The following SUGCT variants were observed in gnomAD, a reference collection of about 807,000 sequenced individuals.
SUGCT encodes succinyl-CoA:glutarate CoA-transferase.
In SUGCT, 41 loss-of-function variants were observed where a neutral mutation model predicts 55.0. The ratio of observed to expected loss-of-function variants is 0.74; its 90% confidence interval spans 0.58 to 0.97. The LOEUF (loss-of-function observed/expected upper bound fraction) is 0.97. Ranked by LOEUF, SUGCT falls within the 50% of genes least tolerant of loss-of-function variation. The probability of loss-of-function intolerance (pLI) is 0.00; values close to 1 mark genes in which losing one functional copy is unlikely to be tolerated. For missense variants in SUGCT, 568 were observed against 547.8 expected, an observed-to-expected ratio of 1.04 and a Z score of -0.37; for synonymous variants, 187 against 200.4, an observed-to-expected ratio of 0.93 and a Z score of 0.56.
the SUGCT span, among the ~76,000 whole-genome samples, chr7:40,912,343 C>G: frequency 6.6e-6 from 1 of 151,998 alleles, no homozygotes; most frequent in African/African-American, 2.4e-5. Flanking sequence ...TTGTATCTTG[C>G]TTGTATGACA....
chr7:40,444,249 A>G (rs1006982661), intron 9 of SUGCT, among the ~76,000 whole-genome samples: 4 of 152,114 alleles, frequency 2.6e-5, no homozygotes, highest in African/African-American at 9.7e-5. Context: ...GTTTTTTCCA[A>G]TTCTGTGAAG....
At chr7:40,558,973 A>C (rs1795699862) in intron 12 of SUGCT, among the ~76,000 whole-genome samples, 1 of 152,242 alleles carries the variant, frequency 6.6e-6, no homozygotes, top group South Asian at 2.1e-4. Context: ...AGTTAAGAAC[A>C]GAGAAAAAAA....
chr7:40,422,350 A>T (rs552618616), intron 9 of SUGCT, among the ~76,000 whole-genome samples: 2 of 152,140 alleles, frequency 1.3e-5, no homozygotes, highest in Non-Finnish European at 2.9e-5. Context: ...AAGTTACCAT[A>T]TATATTATTT....
At chr7:40,638,909 C>A (rs769322516) in intron 12 of SUGCT, among the ~76,000 whole-genome samples, 67 of 152,208 alleles carry the variant, frequency 4.4e-4, no homozygotes, top group South Asian at 2.7e-3. Flanking sequence ...ATTTAAGAAC[C>A]CATCCAGTAC....
At chr7:40,222,986 TTTCCTTCCTTCC>T (rs200277908) in intron 6 of SUGCT, among the ~76,000 whole-genome samples, 3,888 of 93,924 alleles carry the variant, frequency 0.041, 66 homozygotes, top group South Asian at 0.076. Flanking sequence ...TTTTCATTTC[TTTCCTTCCTTCC>T]TTCCTTCCTT....
At chr7:40,884,871 C>T in the SUGCT span, among the ~76,000 whole-genome samples, 1 of 152,044 alleles carries the variant, frequency 6.6e-6, no homozygotes, top group Non-Finnish European at 1.5e-5. Context: ...CTTCTCTGCC[C>T]CAAAGGGAAT....
chr7:40,689,943 A>G (rs1232440341), intron 12 of SUGCT, among the ~76,000 whole-genome samples: 1 of 152,228 alleles, frequency 6.6e-6, no homozygotes, highest in Non-Finnish European at 1.5e-5. Context: ...TAATAGGATC[A>G]GTTCCCTATG....
At chr7:41,002,321 G>A in the SUGCT span, among the ~76,000 whole-genome samples, 23 of 152,120 alleles carry the variant, frequency 1.5e-4, no homozygotes, top group Non-Finnish European at 3.2e-4. Context: ...GTGCCCGGTG[G>A]AGAATGCGAA....
At chr7:40,198,416 C>T (rs538852721) in intron 6 of SUGCT, among the ~76,000 whole-genome samples, 67 of 152,236 alleles carry the variant, frequency 4.4e-4, no homozygotes, top group African/African-American at 1.3e-3. Flanking sequence ...CATTTTCTTT[C>T]GCTTGTTAAT....
chr7:40,267,038 A>AAAC (rs201267701), intron 7 of SUGCT, among the ~76,000 whole-genome samples: 5,820 of 96,978 alleles, frequency 0.06, 138 homozygotes, highest in African/African-American at 0.11. Context: ...ACAAACAAAC[A>AAAC]AAAAAAAAAA....
intron 13 of SUGCT, among the ~76,000 whole-genome samples, chr7:40,806,923 C>G (rs1404656587): frequency 6.6e-6 from 1 of 152,260 alleles, no homozygotes; most frequent in African/African-American, 2.4e-5. Flanking sequence ...ACTTGGCAGT[C>G]TCTGGCTTCA....
At chr7:40,463,707 T>C (rs1210349377) in intron 11 of SUGCT, among the ~76,000 whole-genome samples, 1 of 152,176 alleles carries the variant, frequency 6.6e-6, no homozygotes, top group Admixed American at 6.5e-5. Context: ...TCAAATGCTC[T>C]CAAGTGTTAC....
At chr7:40,896,378 T>C in the SUGCT span, among the ~76,000 whole-genome samples, 1 of 152,176 alleles carries the variant, frequency 6.6e-6, no homozygotes, top group Non-Finnish European at 1.5e-5. Context: ...AGAATTAATA[T>C]TGGTAAAATA....
intron 6 of SUGCT, among the ~76,000 whole-genome samples, chr7:40,208,679 G>A (rs1787148735): frequency 6.6e-6 from 1 of 151,892 alleles, no homozygotes; most frequent in Non-Finnish European, 1.5e-5. Flanking sequence ...TGAGTAGCTG[G>A]GACTACAGGT....
chr7:40,187,994 G>C (rs954203268), intron 3 of SUGCT, among the ~76,000 whole-genome samples: 7 of 151,986 alleles, frequency 4.6e-5, no homozygotes, highest in Non-Finnish European at 1.0e-4. Flanking sequence ...GTGAAACCCT[G>C]TCTCTACTAA....
chr7:41,012,366 C>T, the SUGCT span, among the ~76,000 whole-genome samples: 1 of 152,180 alleles, frequency 6.6e-6, no homozygotes, highest in Non-Finnish European at 1.5e-5. Context: ...GGTTCAGTGT[C>T]TGGTGGGTCT....
At chr7:40,991,441 C>G in the SUGCT span, among the ~76,000 whole-genome samples, 1 of 152,096 alleles carries the variant, frequency 6.6e-6, no homozygotes, top group African/African-American at 2.4e-5. Flanking sequence ...AAATGTGACA[C>G]AGAGACACGA....
At chr7:40,234,096 G>A (rs924168587) in intron 6 of SUGCT, among the ~76,000 whole-genome samples, 3 of 152,142 alleles carry the variant, frequency 2.0e-5, no homozygotes, top group African/African-American at 7.2e-5. Context: ...TTTCCTGCAG[G>A]CCTTTATTTA....
intron 12 of SUGCT, among the ~76,000 whole-genome samples, chr7:40,520,092 T>C (rs1793447375): frequency 1.3e-5 from 2 of 152,138 alleles, no homozygotes; most frequent in South Asian, 4.1e-4. Flanking sequence ...GGAAACTGGC[T>C]TTACTTATTA....
Sources: gnomAD v4.1 joint callset for allele counts (sites outside exome capture counted in the v4.1 genomes callset) on GRCh38, gnomAD v4.1.1 for gene constraint, MANE v1.5 for transcripts, NCBI Gene and HGNC (gene_info 2026-07-23, HGNC 2026-07-21) for gene names.